PRSS12: variants seen among roughly 807,000 people sequenced by gnomAD.
PRSS12 encodes serine protease 12.
A neutral mutation model predicts 104.4 loss-of-function variants in PRSS12; 85 were observed. That is an observed-to-expected ratio of 0.81 (90% CI 0.68 to 0.98). The LOEUF (loss-of-function observed/expected upper bound fraction) is 0.98, where lower values mean the gene tolerates loss of function less well. Among genes scored for constraint, PRSS12 ranks in the 50% least tolerant of loss-of-function variants. The pLI is 0.00. For missense variants in PRSS12, 1,141 were observed against 1,139.2 expected (o/e 1.00, Z -0.02); for synonymous variants, 454 against 425.2 (o/e 1.07, Z -0.83).
intron 11 of PRSS12, among the ~76,000 whole-genome samples, chr4:118,284,709 T>A (rs1742975437): frequency 6.6e-6 from 1 of 152,210 alleles, no homozygotes; most frequent in South Asian, 2.1e-4. Context: ...TGGCTTGGGT[T>A]CTACCGTCTG....
intron 6 of PRSS12, among the ~76,000 whole-genome samples, chr4:118,313,639 C>T (rs1743820511): frequency 6.6e-6 from 1 of 152,044 alleles, no homozygotes; most frequent in Non-Finnish European, 1.5e-5. Flanking sequence ...TACTTTTTCC[C>T]CATTCATTCT....
chr4:118,287,804 G>A (rs1743045917), intron 11 of PRSS12, among the ~76,000 whole-genome samples: 1 of 152,132 alleles, frequency 6.6e-6, no homozygotes, highest in Non-Finnish European at 1.5e-5. Flanking sequence ...TATTTTGATA[G>A]ACTTTATTTT....
intron 11 of PRSS12, among the ~76,000 whole-genome samples, chr4:118,293,967 C>A (rs1381758250): frequency 6.6e-6 from 1 of 152,144 alleles, no homozygotes; most frequent in East Asian, 1.9e-4. Flanking sequence ...TATGCAGCAA[C>A]AGGCGAATAA....
chr4:118,285,044 T>C (rs113044416), intron 11 of PRSS12, among the ~76,000 whole-genome samples: 7 of 152,308 alleles, frequency 4.6e-5, no homozygotes, highest in African/African-American at 1.4e-4. Flanking sequence ...AATCCTTAAG[T>C]AGGGCTCTGA....
intron 12 of PRSS12, 54 bp downstream of exon 12, chr4:118,282,776 AT>A: frequency 6.2e-7 from 1 of 1,609,974 alleles, no homozygotes; most frequent in South Asian, 1.1e-5. Context: ...ACACCCAAAT[AT>A]ATGGATAATA....
At chr4:118,336,635 G>T (rs908898147) in intron 2 of PRSS12, among the ~76,000 whole-genome samples, 2 of 152,034 alleles carry the variant, frequency 1.3e-5, no homozygotes, top group Non-Finnish European at 2.9e-5. Flanking sequence ...AAGTTTGTTT[G>T]CAGAATAATA....
At chr4:118,347,529 C>T (rs1212163413) in intron 1 of PRSS12, among the ~76,000 whole-genome samples, 1 of 152,204 alleles carries the variant, frequency 6.6e-6, no homozygotes, top group African/African-American at 2.4e-5. Flanking sequence ...TTTTACCTCT[C>T]AATCATCAGC....
At chr4:118,299,754 A>T (rs1239417152) in intron 8 of PRSS12, among the ~76,000 whole-genome samples, 8 of 47,302 alleles carry the variant, frequency 1.7e-4, no homozygotes, top group Non-Finnish European at 2.6e-4. Flanking sequence ...AATAAATAAA[A>T]TAAATAAAAT....
At chr4:118,311,437 A>T (rs547159227) in intron 7 of PRSS12, among the ~76,000 whole-genome samples, 2 of 152,296 alleles carry the variant, frequency 1.3e-5, no homozygotes, top group South Asian at 4.1e-4. Context: ...TTGCAGTGCC[A>T]AAGAAGTAAA....
At chr4:118,294,841 G>A (rs965698637) in intron 11 of PRSS12, 98 bp downstream of exon 11, 10 of 1,522,796 alleles carry the variant, frequency 6.6e-6, no homozygotes, top group Non-Finnish European at 9.1e-6. Context: ...AAAGCTCATA[G>A]CCTGGCTCTG....
intron 1 of PRSS12, among the ~76,000 whole-genome samples, chr4:118,339,399 T>C (rs1251930701): frequency 1.3e-5 from 2 of 152,236 alleles, no homozygotes; most frequent in African/African-American, 2.4e-5. Flanking sequence ...CCAAAAATAT[T>C]AGATTCACAA....
chr4:118,313,078 C>T (rs1249398510), intron 7 of PRSS12, 123 bp downstream of exon 7: 7 of 1,035,180 alleles, frequency 6.8e-6, no homozygotes, highest in South Asian at 1.5e-5. Flanking sequence ...GAAAATTAGA[C>T]AGTTATGGGA....
intron 1 of PRSS12, among the ~76,000 whole-genome samples, chr4:118,341,019 A>C (rs1724192320): frequency 6.6e-6 from 1 of 152,122 alleles, no homozygotes; most frequent in Non-Finnish European, 1.5e-5. Context: ...AGGTCAGATA[A>C]ATTTTTAAGG....
At chr4:118,329,626 T>C (rs1351016587) in intron 4 of PRSS12, among the ~76,000 whole-genome samples, 2 of 152,228 alleles carry the variant, frequency 1.3e-5, no homozygotes, top group African/African-American at 4.8e-5. Context: ...TGCTGGTTAC[T>C]TTGAATGTAA....
At chr4:118,324,233 T>C (rs13122419) in intron 4 of PRSS12, among the ~76,000 whole-genome samples, 35,063 of 151,762 alleles carry the variant, frequency 0.23, 4,913 homozygotes, top group East Asian at 0.39. Context: ...ATAGAGAGGA[T>C]CCAACTATGC....
intron 1 of PRSS12, among the ~76,000 whole-genome samples, chr4:118,342,300 T>C (rs770205880): frequency 7.9e-5 from 12 of 152,234 alleles, no homozygotes; most frequent in Non-Finnish European, 1.8e-4. Context: ...CGAAATTCTT[T>C]GTTTGGCAAA....
chr4:118,289,457 G>A (rs1743084122), intron 11 of PRSS12, among the ~76,000 whole-genome samples: 3 of 152,160 alleles, frequency 2.0e-5, no homozygotes, highest in Admixed American at 6.5e-5. Flanking sequence ...ATGAAATCCC[G>A]TTCCCCTACC....
At chr4:118,322,720 A>G (rs1396107196) in intron 4 of PRSS12, among the ~76,000 whole-genome samples, 2 of 151,960 alleles carry the variant, frequency 1.3e-5, no homozygotes, top group African/African-American at 4.8e-5. Context: ...ATATTGGTTG[A>G]AAGAAGAAAA....
Position 118,282,060 on chromosome 4 carries a change from C to G in PRSS12, c.2504G>C (p.Gly835Ala), listed in dbSNP as rs756054852. ...CACCCCATACACCACCCAGCTCTCT[C>G]CGGGCCGTTCACACATGAGTGGTCC... ...SGGPLMCERP[G>A]ESWVVYGVTS... Residue 835 changes from glycine to alanine, a missense_variant, in exon 13 of 13, where the codon GGA becomes GCA. Transcript: ENST00000296498. 1.2e-6 allele frequency: 2 copies of G among 1,614,210 alleles called. No homozygotes were observed. Among genetic ancestry groups the G allele is most frequent in the African/African-American group, 2.7e-5 (2 of 75,048 alleles).
Sources: allele counts gnomAD v4.1 joint callset (sites outside exome capture counted in the v4.1 genomes callset), GRCh38; gene constraint gnomAD v4.1.1; transcripts MANE v1.5; gene names NCBI Gene and HGNC (gene_info 2026-07-23, HGNC 2026-07-21).